The following SOX5 variants were observed in gnomAD, a reference collection of about 807,000 sequenced individuals.
SOX5 encodes SRY-box transcription factor 5, also known as transcription factor SOX-5.
A neutral mutation model predicts 92.0 loss-of-function variants in SOX5; 9 were observed. That is an observed-to-expected ratio of 0.10 (90% CI 0.06 to 0.17). The LOEUF is 0.17. Among genes scored for constraint, SOX5 ranks in the 10% least tolerant of loss-of-function variants. The probability of loss-of-function intolerance (pLI) is 1.00; values close to 1 mark genes in which losing one functional copy is unlikely to be tolerated. For synonymous variants in SOX5, 344 were observed against 336.3 expected (o/e 1.02, Z -0.25); for missense variants, 642 against 944.5 (o/e 0.68, Z 4.20).
chr12:24,377,391 A>G (rs1957395887), intron 1 of SOX5, among the ~76,000 whole-genome samples: 1 of 152,232 alleles, frequency 6.6e-6, no homozygotes, highest in South Asian at 2.1e-4. Flanking sequence ...TGAAAAGTGC[A>G]TGACAAACAA....
chr12:24,230,624 G>A (rs1287006789), intron 3 of SOX5: 1 of 152,136 alleles, frequency 6.6e-6, no homozygotes, highest in Non-Finnish European at 1.5e-5. Context: ...AGGTTGGAAT[G>A]AAAGAAAATG....
At chr12:23,849,170 T>C (rs1165672481) in intron 2 of SOX5, among the ~76,000 whole-genome samples, 1 of 152,232 alleles carries the variant, frequency 6.6e-6, no homozygotes, top group Non-Finnish European at 1.5e-5. Flanking sequence ...CAGATACATG[T>C]GTTTCTTTTA....
At chr12:23,699,504 A>T (rs1388228289) in intron 6 of SOX5, among the ~76,000 whole-genome samples, 1 of 152,072 alleles carries the variant, frequency 6.6e-6, no homozygotes, top group South Asian at 2.1e-4. Flanking sequence ...TTTATTTTTG[A>T]AAGTTTTTTA....
intron 1 of SOX5, among the ~76,000 whole-genome samples, chr12:23,935,121 A>G (rs566745310): frequency 6.6e-6 from 1 of 151,366 alleles, no homozygotes; most frequent in East Asian, 1.9e-4. Context: ...CAGTGGCTGA[A>G]AAACATGAGG....
chr12:24,326,751 T>C (rs906479634), intron 2 of SOX5, among the ~76,000 whole-genome samples: 7 of 143,018 alleles, frequency 4.9e-5, no homozygotes, highest in Admixed American at 2.2e-4. Context: ...AAATTTTGTG[T>C]TTGTACAGGT....
At chr12:24,140,002 G>GGTTT (rs369799082) in intron 4 of SOX5, among the ~76,000 whole-genome samples, 10 of 152,088 alleles carry the variant, frequency 6.6e-5, no homozygotes, top group Middle Eastern at 3.4e-3. Context: ...CACTTATCAG[G>GGTTT]GTTTGTTTGT....
chr12:23,731,959 G>A (rs2093409391), intron 6 of SOX5, among the ~76,000 whole-genome samples: 1 of 151,940 alleles, frequency 6.6e-6, no homozygotes, highest in African/African-American at 2.4e-5. Context: ...AGGTATCAAG[G>A]CACTGTATTT....
chr12:23,568,083 G>A (rs959842276), intron 10 of SOX5, among the ~76,000 whole-genome samples: 1 of 152,110 alleles, frequency 6.6e-6, no homozygotes, highest in Non-Finnish European at 1.5e-5. Flanking sequence ...TGTAATTAAG[G>A]ATCTCAAGGT....
intron 4 of SOX5, among the ~76,000 whole-genome samples, chr12:24,135,371 A>C (rs1408709942): frequency 1.3e-5 from 2 of 152,192 alleles, no homozygotes; most frequent in Non-Finnish European, 2.9e-5. Context: ...TTGTCATAGG[A>C]ATTCCATGTT....
intron 4 of SOX5, among the ~76,000 whole-genome samples, chr12:24,015,002 G>A (rs1953421487): frequency 1.3e-5 from 2 of 152,088 alleles, no homozygotes; most frequent in South Asian, 2.1e-4. Context: ...CTAACTTGCA[G>A]AGGAATCAAG....
chr12:23,953,961 A>T (rs773274510), upstream of SOX5, among the ~76,000 whole-genome samples: 1 of 152,060 alleles, frequency 6.6e-6, no homozygotes, highest in Non-Finnish European at 1.5e-5. Context: ...AAGGAATATA[A>T]GATATGCTAG....
chr12:23,953,030 A>G (rs533011497), upstream of SOX5, among the ~76,000 whole-genome samples: 7 of 152,306 alleles, frequency 4.6e-5, no homozygotes, highest in African/African-American at 1.7e-4. Context: ...TATAAAAAAT[A>G]AAATTTATAA....
At chr12:24,241,187 A>C (rs1689624071) in intron 3 of SOX5, among the ~76,000 whole-genome samples, 1 of 152,306 alleles carries the variant, frequency 6.6e-6, no homozygotes, top group East Asian at 1.9e-4. Context: ...ATTAAAAAGA[A>C]AGTGTGATAC....
intron 4 of SOX5, among the ~76,000 whole-genome samples, chr12:24,083,555 G>GT (rs1943618946): frequency 6.6e-6 from 1 of 151,956 alleles, no homozygotes; most frequent in South Asian, 2.1e-4. Context: ...TAGGTATAAC[G>GT]TTTTTTTCTC....
rs142367432 is a variant in SOX5, at chr12:23,970,538, T to C, written c.-1-74514A>G. On this transcript the variant is annotated intron_variant, in intron 4 of 4. Transcript: ENST00000446891. ...TATATATACATATTTCATGTAAGTG[T>C]AGTCATAGAGTATTTTTCTCTTGGT... Among the ~76,000 whole-genome samples the C allele has an allele frequency of 6.3e-3, 953 of 152,084 alleles. 7 individuals carry two copies. The highest frequency in any genetic ancestry group is 0.011 in the Non-Finnish European group (728 of 67,980).
intron 4 of SOX5, among the ~76,000 whole-genome samples, chr12:23,983,316 T>C (rs1592061199): frequency 6.6e-6 from 1 of 152,110 alleles, no homozygotes; most frequent in African/African-American, 2.4e-5. Flanking sequence ...CCAACTTTTG[T>C]TGGGTAGTGC....
At chr12:24,409,078 A>AT (rs760812730) in intron 1 of SOX5, among the ~76,000 whole-genome samples, 10 of 152,258 alleles carry the variant, frequency 6.6e-5, no homozygotes, top group Non-Finnish European at 1.5e-4. Context: ...ACCAACCCAA[A>AT]TGCCCATCAA....
intron 4 of SOX5, among the ~76,000 whole-genome samples, chr12:24,077,792 T>TAC (rs1188227339): frequency 6.8e-6 from 1 of 146,054 alleles, no homozygotes; most frequent in Admixed American, 6.9e-5. Context: ...TATATATATA[T>TAC]ATATATATAT....
chr12:23,832,220 T>G (rs903088029), intron 3 of SOX5, among the ~76,000 whole-genome samples: 5 of 151,864 alleles, frequency 3.3e-5, no homozygotes, highest in African/African-American at 1.2e-4. Flanking sequence ...AGTTTCAATT[T>G]AATCCCCATT....
Sources: allele counts gnomAD v4.1 joint callset (sites outside exome capture counted in the v4.1 genomes callset), GRCh38; gene constraint gnomAD v4.1.1; transcripts MANE v1.5; gene names NCBI Gene and HGNC (gene_info 2026-07-23, HGNC 2026-07-21).